PCDH11X: variants seen among roughly 807,000 people sequenced by gnomAD.
PCDH11X encodes the protein protocadherin 11 X-linked, also known as protocadherin-11 X-linked.
Under a neutral mutation model 53.3 loss-of-function variants are expected in PCDH11X, and 18 were observed. The ratio of observed to expected loss-of-function variants is 0.34; its 90% CI spans 0.23 to 0.50. PCDH11X has a LOEUF of 0.50. Ranked by LOEUF, PCDH11X falls within the 20% of genes least tolerant of loss-of-function variation. PCDH11X has a pLI of 0.98. For missense variants in PCDH11X, 570 were observed against 1,032.4 expected, an observed-to-expected ratio of 0.55 and a Z score of 6.14; for synonymous variants, 279 against 393.3, an observed-to-expected ratio of 0.71 and a Z score of 3.44.
intron 9 of PCDH11X, chrX:92,459,985 C>T: frequency 9.1e-7 from 1 of 1,104,566 alleles, no homozygotes; most frequent in South Asian, 1.8e-5. Context: ...GAACCGTAGG[C>T]TGGAGAGCAA....
At chrX:91,779,757 A>T (rs1411250218) in intron 1 of PCDH11X, 73 bp downstream of exon 1, 2 of 103,202 alleles carry the variant, frequency 1.9e-5, no homozygotes, top group East Asian at 6.2e-4. Flanking sequence ...GTGCGCGGAC[A>T]CTGCCCGCTG....
rs1449524456 is a variant in PCDH11X, at chrX:92,005,603, T to C, written c.3033+126330T>C. On this transcript the variant is annotated intron_variant, in intron 6 of 10. Transcript: ENST00000682573. Reference sequence around the variant, plus strand: ...AGTTATTATTTTTGATGGGTTCATCTTTTTGCTTTTCTGCTTAAGATAATA... The same window carrying C: ...AGTTATTATTTTTGATGGGTTCATCCTTTTGCTTTTCTGCTTAAGATAATA... Among the ~76,000 whole-genome samples the C allele has an allele frequency of 8.9e-5, 10 of 112,274 alleles. 1 individual carries two copies. The highest frequency in any genetic ancestry group is 7.6e-4 in the Admixed American group (8 of 10,557).
At chrX:91,995,895 G>A (rs2062409875) in intron 6 of PCDH11X, among the ~76,000 whole-genome samples, 1 of 104,653 alleles carries the variant, frequency 9.6e-6, no homozygotes, top group African/African-American at 3.5e-5. Flanking sequence ...TGTCATCCAG[G>A]CTGGAGTGCA....
intron 10 of PCDH11X, among the ~76,000 whole-genome samples, chrX:92,552,994 CGT>C (rs57655496): frequency 0.026 from 2,335 of 88,792 alleles, 34 homozygotes; most frequent in African/African-American, 0.04. Flanking sequence ...CTGCAATTTT[CGT>C]GTGTGTGTGT....
intron 6 of PCDH11X, among the ~76,000 whole-genome samples, chrX:92,188,297 C>A (rs1394600424): frequency 2.7e-5 from 3 of 111,474 alleles, no homozygotes; most frequent in Non-Finnish European, 5.6e-5. Flanking sequence ...TATTAGGTCT[C>A]CACAAGTGCA....
intron 9 of PCDH11X, among the ~76,000 whole-genome samples, chrX:92,429,819 G>A (rs2072210132): frequency 2.2e-5 from 2 of 91,907 alleles, no homozygotes; most frequent in Admixed American, 2.5e-4. Context: ...AAGGAGAAAA[G>A]GTTTAGAAGT....
intron 9 of PCDH11X, among the ~76,000 whole-genome samples, chrX:92,412,704 G>A (rs1332506694): frequency 3.9e-5 from 4 of 103,669 alleles, no homozygotes; most frequent in African/African-American, 1.4e-4. Context: ...TTGTTTGTTG[G>A]AACTGCAAAA....
At chrX:92,602,278 G>C (rs1926317595) in intron 10 of PCDH11X, among the ~76,000 whole-genome samples, 1 of 111,690 alleles carries the variant, frequency 9.0e-6, no homozygotes, top group African/African-American at 3.3e-5. Context: ...ATAAGAAGAA[G>C]CCGATAGCTC....
intron 10 of PCDH11X, among the ~76,000 whole-genome samples, chrX:92,599,182 C>G (rs1425471841): frequency 1.8e-5 from 2 of 111,483 alleles, no homozygotes; most frequent in Non-Finnish European, 3.8e-5. Flanking sequence ...TAAAAAATAA[C>G]TAAAAGAATA....
At chrX:91,965,657 A>G (rs1306967894) in intron 6 of PCDH11X, among the ~76,000 whole-genome samples, 3 of 110,522 alleles carry the variant, frequency 2.7e-5, no homozygotes, top group African/African-American at 1.0e-4. Flanking sequence ...TTGACTCTCC[A>G]TTGATGTTTC....
chrX:92,325,625 G>A (rs1410206676), intron 8 of PCDH11X, among the ~76,000 whole-genome samples: 2 of 111,837 alleles, frequency 1.8e-5, no homozygotes, highest in African/African-American at 6.5e-5. Context: ...AAGCCAGATT[G>A]TCACTGTGCC....
intron 9 of PCDH11X, among the ~76,000 whole-genome samples, chrX:92,421,001 T>C (rs911936338): frequency 8.9e-6 from 1 of 111,951 alleles, no homozygotes; most frequent in African/African-American, 3.2e-5. Context: ...CTTCTCTCTC[T>C]GTTCTTCAGA....
chrX:92,565,246 CA>C (rs1921328604), intron 10 of PCDH11X, among the ~76,000 whole-genome samples: 1 of 89,878 alleles, frequency 1.1e-5, no homozygotes, highest in Non-Finnish European at 2.2e-5. Context: ...AAGAAAGAAA[CA>C]AAAGCTATTA....
rs758013229 is a variant in PCDH11X, at chrX:92,157,774, T to C, written c.3034-43601T>C. ...TTGTGCTTTCATTATCAAGATTTTCTTTTAGAATTTTTTGTGTTAATTTTT... is the reference window on the plus strand; with the variant it reads ...TTGTGCTTTCATTATCAAGATTTTCCTTTAGAATTTTTTGTGTTAATTTTT... On this transcript the variant is annotated intron_variant, in intron 6 of 10. Transcript: ENST00000682573. Among the ~76,000 whole-genome samples, 6 of 111,912 alleles carry C rather than the reference T, an allele frequency of 5.4e-5. No homozygotes were observed. In the Admixed American group the frequency reaches 5.7e-4, roughly 11 times the overall value.
intron 6 of PCDH11X, among the ~76,000 whole-genome samples, chrX:92,072,525 G>A (rs1269099706): frequency 9.0e-6 from 1 of 111,344 alleles, no homozygotes; most frequent in Non-Finnish European, 1.9e-5. Context: ...TGACAGGACT[G>A]CATCCTTTCC....
At chrX:92,570,366 AATG>A (rs745369233) in intron 10 of PCDH11X, among the ~76,000 whole-genome samples, 294 of 112,114 alleles carry the variant, frequency 2.6e-3, no homozygotes, top group African/African-American at 8.6e-3. Context: ...TCAAGAGAAA[AATG>A]ATGTTTTGTT....
At chrX:92,359,141 A>G (rs1168185053) in intron 8 of PCDH11X, among the ~76,000 whole-genome samples, 2 of 105,348 alleles carry the variant, frequency 1.9e-5, no homozygotes, top group Admixed American at 1.0e-4. Context: ...AAATATATAT[A>G]TTCAACTTGA....
At chrX:91,940,151 A>T (rs1380932830) in intron 6 of PCDH11X, among the ~76,000 whole-genome samples, 1 of 110,557 alleles carries the variant, frequency 9.0e-6, no homozygotes, top group Non-Finnish European at 1.9e-5. Flanking sequence ...ATTTAAAAGT[A>T]TGCAGCACTT....
intron 6 of PCDH11X, among the ~76,000 whole-genome samples, chrX:91,955,249 G>A (rs1195593218): frequency 1.8e-5 from 2 of 109,577 alleles, no homozygotes; most frequent in African/African-American, 6.7e-5. Context: ...TTTTGTCAAA[G>A]ATCAGACAGG....
Sources: allele counts gnomAD v4.1 joint callset (sites outside exome capture counted in the v4.1 genomes callset), GRCh38; gene constraint gnomAD v4.1.1; transcripts MANE v1.5; gene names NCBI Gene and HGNC (gene_info 2026-07-23, HGNC 2026-07-21).